Variants in TMEM200A observed in about 807,000 individuals in gnomAD.
TMEM200A encodes transmembrane protein 200A.
TMEM200A carries 12 observed loss-of-function variants against 24.3 expected under a neutral mutation model. That is an observed-to-expected ratio of 0.49 (90% CI 0.32 to 0.80). TMEM200A has a LOEUF of 0.80. Among genes scored for constraint, TMEM200A ranks in the 30% least tolerant of loss-of-function variants. The pLI is 0.04. For synonymous variants in TMEM200A, 224 were observed against 224.4 expected, an observed-to-expected ratio of 1.00 and a Z score of 0.02; for missense variants, 545 against 614.4, an observed-to-expected ratio of 0.89 and a Z score of 1.19.
In TMEM200A at chr6:130,429,058, G is replaced by A. The variant is rs555004863; in HGVS notation, c.-16-11349G>A. 6.7e-4 allele frequency among the ~76,000 whole-genome samples: 102 copies of A among 152,058 alleles called. 1 individual carries two copies. Among genetic ancestry groups the A allele is most frequent in the Middle Eastern group, 3.4e-3 (1 of 292 alleles). Reference sequence around the variant, plus strand: ...TGTTAAAAAAACTATGGCATAAAACGTATTTTTAGATAAAATGCTACAGCA... The same window carrying A: ...TGTTAAAAAAACTATGGCATAAAACATATTTTTAGATAAAATGCTACAGCA... On this transcript the variant is annotated intron_variant, in intron 2 of 2. Coordinates refer to ENST00000296978, the MANE Select transcript of TMEM200A (RefSeq NM_001258277.2).
chr6:130,410,781 G>T (rs924911601), intron 2 of TMEM200A, among the ~76,000 whole-genome samples: 4 of 152,212 alleles, frequency 2.6e-5, no homozygotes, highest in African/African-American at 9.6e-5. Flanking sequence ...ATTTAATTAA[G>T]AATAAGTTGT....
intron 2 of TMEM200A, among the ~76,000 whole-genome samples, chr6:130,432,966 T>A (rs1779913365): frequency 6.6e-6 from 1 of 152,114 alleles, no homozygotes; most frequent in Admixed American, 6.6e-5. Context: ...CTGCCTCAAG[T>A]GCACCATATA....
intron 2 of TMEM200A, among the ~76,000 whole-genome samples, chr6:130,401,457 C>G (rs1355735519): frequency 6.7e-6 from 1 of 148,460 alleles, no homozygotes; most frequent in African/African-American, 2.5e-5. Context: ...TTCCTTCCTT[C>G]CTTCTTTCTT....
At chr6:130,407,105 C>T (rs1003748385) in intron 2 of TMEM200A, among the ~76,000 whole-genome samples, 35 of 151,998 alleles carry the variant, frequency 2.3e-4, no homozygotes, top group African/African-American at 8.2e-4. Context: ...GTGAAAGGCG[C>T]TTGGAATTAT....
chr6:130,417,344 T>C (rs150503084), intron 2 of TMEM200A, among the ~76,000 whole-genome samples: 2,778 of 152,258 alleles, frequency 0.018, 23 homozygotes, highest in Non-Finnish European at 0.027. Context: ...TTGAAAAAAA[T>C]AAAATTATGA....
In TMEM200A at chr6:130,442,247, G is replaced by T; in HGVS notation, c.*349G>T. 1 of 195,898 alleles carries T rather than the reference G, an allele frequency of 5.1e-6. No individual in the cohort carries two copies. Among genetic ancestry groups the T allele is most frequent in the Non-Finnish European group, 1.2e-5 (1 of 86,144 alleles). 12.1% of individuals were successfully genotyped at this position (195,898 alleles called of 1,614,324 possible). On this transcript the variant is annotated 3_prime_UTR_variant, in exon 3 of 3. Transcript: ENST00000296978. ...AAATGTCCAGTATGGAAAACATAGG[G>T]TACCAAAGTGTGGACCAGGAGTACA...
chr6:130,413,751 T>A (rs1338127389), intron 2 of TMEM200A, among the ~76,000 whole-genome samples: 1 of 152,162 alleles, frequency 6.6e-6, no homozygotes, highest in African/African-American at 2.4e-5. Flanking sequence ...TAAACACACT[T>A]AACAAACCAC....
Position 130,424,465 on chromosome 6 carries a change from T to A in TMEM200A, c.-16-15942T>A, listed in dbSNP as rs142169537. Among the ~76,000 whole-genome samples the A allele has an allele frequency of 7.9e-5, 12 of 152,210 alleles. No individual in the cohort carries two copies. The East Asian group carries it at 1.9e-3, about 24-fold the overall frequency. On this transcript the variant is annotated intron_variant, in intron 2 of 2. Transcript: ENST00000296978. ...CATACTTTCCCCCAAAGTCTCCAGA[T>A]GAATAATTTAAAACTTCTTGGCAGT...
At chr6:130,390,967 G>C (rs539632975) in intron 2 of TMEM200A, among the ~76,000 whole-genome samples, 8 of 152,208 alleles carry the variant, frequency 5.3e-5, no homozygotes, top group Non-Finnish European at 7.3e-5. Context: ...CTGTGTGCTA[G>C]TAGTGCTCTA....
chr6:130,425,596 T>C (rs1779713517), intron 2 of TMEM200A, among the ~76,000 whole-genome samples: 1 of 152,210 alleles, frequency 6.6e-6, no homozygotes, highest in Non-Finnish European at 1.5e-5. Context: ...AGCATTTTCA[T>C]TTTGAAGACA....
At chr6:130,388,773 C>A (rs1003045462) in intron 2 of TMEM200A, among the ~76,000 whole-genome samples, 2 of 152,008 alleles carry the variant, frequency 1.3e-5, no homozygotes, top group Non-Finnish European at 2.9e-5. Flanking sequence ...ATTAGAATAT[C>A]CTTACAGAAA....
intron 2 of TMEM200A, among the ~76,000 whole-genome samples, chr6:130,415,450 C>T (rs6913055): frequency 0.085 from 12,972 of 152,126 alleles, 1,260 homozygotes; most frequent in African/African-American, 0.24. Flanking sequence ...TCATTATTAA[C>T]GAATTGCACC....
At chr6:130,386,741 T>G (rs1450730150) in intron 2 of TMEM200A, among the ~76,000 whole-genome samples, 1 of 152,118 alleles carries the variant, frequency 6.6e-6, no homozygotes, top group Non-Finnish European at 1.5e-5. Context: ...CCCAAGAAAT[T>G]GTAAGAATGT....
intron 2 of TMEM200A, among the ~76,000 whole-genome samples, chr6:130,405,558 T>C (rs1779185165): frequency 6.6e-6 from 1 of 152,190 alleles, no homozygotes; most frequent in South Asian, 2.1e-4. Flanking sequence ...AGGAGAATCA[T>C]TCTAACTGAG....
At chr6:130,372,257 T>C (rs1778338675) in intron 1 of TMEM200A, among the ~76,000 whole-genome samples, 1 of 152,148 alleles carries the variant, frequency 6.6e-6, no homozygotes, top group Admixed American at 6.5e-5. Flanking sequence ...AGGAAGACAG[T>C]AAGCTAACTT....
chr6:130,425,488 CA>C (rs2115191914), intron 2 of TMEM200A, among the ~76,000 whole-genome samples: 1 of 152,228 alleles, frequency 6.6e-6, no homozygotes, highest in African/African-American at 2.4e-5. Flanking sequence ...CTTCATCACT[CA>C]AAAAGTAATA....
In TMEM200A at chr6:130,440,925, T is replaced by C; in HGVS notation, c.503T>C (p.Ile168Thr). 2 of 1,614,054 alleles carry C rather than the reference T, an allele frequency of 1.2e-6. No individual in the cohort carries two copies. Among genetic ancestry groups the C allele is most frequent in the African/African-American group, 1.3e-5 (1 of 75,030 alleles). ...ATGAGGGATATCTATTCCACAGTCA[T>C]TGACATTCACACGCTAAGAATCAAG... ...IHMRDIYSTV[I>T]DIHTLRIKEQ... The change falls in exon 3 of 3, where the codon ATT becomes ACT. Residue 168 changes from isoleucine (I) to threonine (T), a missense_variant. Ile to Thr is a moderately conservative substitution (Grantham distance 89). Coordinates refer to ENST00000296978, the MANE Select transcript of TMEM200A (RefSeq NM_001258277.2).
chr6:130,382,633 T>C (rs1778626780), intron 1 of TMEM200A, among the ~76,000 whole-genome samples: 1 of 152,112 alleles, frequency 6.6e-6, no homozygotes. Flanking sequence ...GGACTTAATC[T>C]CCTCAGGACA....
At chr6:130,378,019 C>T (rs764788197) in intron 1 of TMEM200A, among the ~76,000 whole-genome samples, 5 of 152,014 alleles carry the variant, frequency 3.3e-5, no homozygotes, top group Admixed American at 6.6e-5. Context: ...ATAGAAAGTG[C>T]AAAGGCCATA....
Sources: gnomAD v4.1 joint callset for allele counts (sites outside exome capture counted in the v4.1 genomes callset) on GRCh38, gnomAD v4.1.1 for gene constraint, MANE v1.5 for transcripts, NCBI Gene and HGNC (gene_info 2026-07-23, HGNC 2026-07-21) for gene names.